Variants in ANO10 observed in about 807,000 individuals in gnomAD.
ANO10 encodes the protein anoctamin 10.
A neutral mutation model predicts 74.7 loss-of-function variants in ANO10; 77 were observed. The ratio of observed to expected loss-of-function variants is 1.03; its 90% CI spans 0.86 to 1.25. The LOEUF (loss-of-function observed/expected upper bound fraction) is 1.25. Ranked by LOEUF, ANO10 falls within the 50% of genes most tolerant of loss-of-function variation. The probability of loss-of-function intolerance (pLI) is 0.00; values close to 1 mark genes in which losing one functional copy is unlikely to be tolerated. For missense variants in ANO10, 721 were observed against 778.1 expected (o/e 0.93, Z 0.87); for synonymous variants, 279 against 284.9 (o/e 0.98, Z 0.21).
At chr3:43,527,323 T>A (rs938803488) in intron 11 of ANO10, among the ~76,000 whole-genome samples, 8 of 152,084 alleles carry the variant, frequency 5.3e-5, no homozygotes, top group African/African-American at 1.9e-4. Context: ...GAACTAGGTA[T>A]AAATCAAAAT....
intron 12 of ANO10, among the ~76,000 whole-genome samples, chr3:43,430,931 G>C (rs1159156644): frequency 6.6e-6 from 1 of 151,884 alleles, no homozygotes; most frequent in Non-Finnish European, 1.5e-5. Context: ...CTGTAAATGT[G>C]AATTTTTCAT....
chr3:43,436,610 A>C (rs1046323066), intron 11 of ANO10, among the ~76,000 whole-genome samples: 16 of 152,180 alleles, frequency 1.1e-4, no homozygotes, highest in African/African-American at 3.6e-4. Flanking sequence ...AGGGAAAAAA[A>C]GTAACAGGAC....
chr3:43,461,216 C>T (rs1158769314), intron 11 of ANO10, among the ~76,000 whole-genome samples: 1 of 151,900 alleles, frequency 6.6e-6, no homozygotes, highest in Non-Finnish European at 1.5e-5. Context: ...GAAATTAAAA[C>T]CATAACAAGA....
At position 43,561,516 on chromosome 3, in the gene ANO10, C is replaced by T. The variant is rs1008444474; in HGVS notation, c.1294-114G>A. On this transcript the variant is annotated intron_variant, in intron 8 of 12. Transcript: ENST00000292246. ...TATTTATAGCATAAATACAATTATG[C>T]AACAAATAAAATGGAATCTTCAATA... 6.2e-6 allele frequency: 6 copies of T among 973,710 alleles called. No homozygotes were observed. The Admixed American group carries it at 1.2e-4, about 20-fold the overall frequency. 60.3% of individuals were successfully genotyped at this position (973,710 alleles called of 1,614,324 possible).
intron 12 of ANO10, among the ~76,000 whole-genome samples, chr3:43,380,522 G>T (rs1471733562): frequency 6.6e-6 from 1 of 152,104 alleles, no homozygotes. Context: ...AAGCTAGAAG[G>T]GATTGGGGTC....
At chr3:43,373,483 A>G (rs2091691035) in intron 12 of ANO10, among the ~76,000 whole-genome samples, 1 of 152,292 alleles carries the variant, frequency 6.6e-6, no homozygotes, top group Admixed American at 6.5e-5. Flanking sequence ...GGGTGGGTGG[A>G]TGTCAGTTCA....
intron 8 of ANO10, among the ~76,000 whole-genome samples, chr3:43,562,017 A>C (rs2080059307): frequency 6.6e-6 from 1 of 152,160 alleles, no homozygotes; most frequent in Non-Finnish European, 1.5e-5. Context: ...CACTACAAAA[A>C]TAAAACAGAA....
chr3:43,555,182 ATC>A (rs2079677888), intron 10 of ANO10, 94 bp downstream of exon 10: 1 of 1,280,764 alleles, frequency 7.8e-7, no homozygotes, highest in Admixed American at 1.9e-5. Context: ...GTTTTCCTAA[ATC>A]TCTCTGTAGG....
chr3:43,544,323 A>C (rs2079083693), intron 11 of ANO10, among the ~76,000 whole-genome samples: 1 of 152,082 alleles, frequency 6.6e-6, no homozygotes, highest in Admixed American at 6.5e-5. Context: ...AGTCTACAAA[A>C]ATTTCTTTAT....
intron 11 of ANO10, among the ~76,000 whole-genome samples, chr3:43,466,964 A>G (rs1234847580): frequency 6.6e-6 from 1 of 152,228 alleles, no homozygotes; most frequent in Non-Finnish European, 1.5e-5. Context: ...AATGTTCACA[A>G]ATAGTATGCT....
chr3:43,408,373 A>C (rs181027055), intron 12 of ANO10, among the ~76,000 whole-genome samples: 1 of 152,358 alleles, frequency 6.6e-6, no homozygotes, highest in Admixed American at 6.5e-5. Context: ...ATAATTTCTG[A>C]AATTTTTAAA....
intron 1 of ANO10, among the ~76,000 whole-genome samples, chr3:43,636,934 C>T (rs111523821): frequency 2.6e-5 from 4 of 151,946 alleles, no homozygotes; most frequent in East Asian, 1.9e-4. Context: ...GAGGCCAAGG[C>T]GAGTGGATCC....
At chr3:43,668,677 A>G (rs974476999) in intron 1 of ANO10, among the ~76,000 whole-genome samples, 5 of 152,104 alleles carry the variant, frequency 3.3e-5, no homozygotes, top group African/African-American at 1.2e-4. Context: ...CGTTTATTGA[A>G]CAGGGCATCC....
Position 43,567,474 on chromosome 3 carries a change from C to G in ANO10, c.1219-1747G>C, listed in dbSNP as rs537338164. Among the ~76,000 whole-genome samples, 15 of 152,206 alleles carry G rather than the reference C, an allele frequency of 9.9e-5. No individual in the cohort carries two copies. The Middle Eastern group carries it at 0.01, about 104-fold the overall frequency. On this transcript the variant is annotated intron_variant, in intron 7 of 12. Transcript: ENST00000292246. ...CTTAAAGGGAAGCCCATCAGACTAA[C>G]AGCAGATCTCTCGGCAGAAACTCTA...
chr3:43,390,077 C>T (rs1172099430), intron 12 of ANO10, among the ~76,000 whole-genome samples: 1 of 152,222 alleles, frequency 6.6e-6, no homozygotes, highest in Non-Finnish European at 1.5e-5. Context: ...TCCTGGCATC[C>T]AGGGAAAGTT....
intron 1 of ANO10, among the ~76,000 whole-genome samples, chr3:43,608,524 C>G (rs536626607): frequency 6.6e-6 from 1 of 152,234 alleles, no homozygotes; most frequent in East Asian, 1.9e-4. Flanking sequence ...CTTGGCCTCC[C>G]CAAATTGCTG....
Position 43,568,197 on chromosome 3 carries a change from A to T in ANO10, c.1219-2470T>A, listed in dbSNP as rs558818270. ...AGATTCATAAAGCAAATCCTTAGAG[A>T]CCTACAAAGAGACTTAAGACTCCCA... On this transcript the variant is annotated intron_variant, in intron 7 of 12. Transcript: ENST00000292246. 3.3e-5 allele frequency among the ~76,000 whole-genome samples: 5 copies of T among 152,276 alleles called. No homozygotes were observed. The East Asian group carries it at 9.6e-4, about 29-fold the overall frequency.
chr3:43,402,284 A>G (rs964518783), intron 12 of ANO10, among the ~76,000 whole-genome samples: 2 of 152,212 alleles, frequency 1.3e-5, no homozygotes, highest in Admixed American at 6.5e-5. Flanking sequence ...AGAAGTGGAC[A>G]TGGCTAACAG....
rs768178489 is a variant in ANO10, at chr3:43,690,980, C to T, written c.-12+537G>A. On this transcript the variant is annotated intron_variant, in intron 1 of 3. Coordinates refer to the ANO10 transcript ENST00000413397. The stretch of plus-strand genomic sequence containing the variant: ...GCTTCGAGATAAGTCCCGGCGCTTG[C>T]GCGGCGGCGGCTATGGCGGCGGAGG... 28 of 1,571,500 alleles carry T rather than the reference C, an allele frequency of 1.8e-5. No individual in the cohort carries two copies. In the South Asian group the frequency reaches 2.6e-4, roughly 15 times the overall value.
Sources: allele counts gnomAD v4.1 joint callset (sites outside exome capture counted in the v4.1 genomes callset), GRCh38; gene constraint gnomAD v4.1.1; transcripts MANE v1.5; gene names NCBI Gene and HGNC (gene_info 2026-07-23, HGNC 2026-07-21).